The following OR5T3 variants were observed in gnomAD, a reference collection of about 807,000 sequenced individuals.
The protein encoded by OR5T3 is olfactory receptor family 5 subfamily T member 3, also known as olfactory receptor 5T3.
OR5T3 carries 14 observed loss-of-function variants against 14.0 expected under a neutral mutation model. That is an observed-to-expected ratio of 1.00 (90% CI 0.66 to 1.56). The LOEUF is 1.56. Ranked by LOEUF, OR5T3 falls within the 40% of genes most tolerant of loss-of-function variation. The pLI, the probability that OR5T3 is intolerant of heterozygous loss-of-function variation, is 0.00. For synonymous variants in OR5T3, 150 were observed against 137.2 expected (o/e 1.09, Z -0.65); for missense variants, 410 against 374.2 (o/e 1.10, Z -0.79).
rs201540884 is a variant in OR5T3, at chr11:56,252,740, G to T, written c.487G>T (p.Ala163Ser). The change falls in exon 1 of 1, where the codon GCT (alanine) becomes TCT (serine). Residue 163 changes from alanine (A) to serine (S), a missense_variant. Transcript: ENST00000313033. ...YVPLITASYV[A>S]GILHATIHIV... is the part of the protein sequence containing the mutation. ...GCCACTCATCACTGCTTCCTACGTTGCTGGCATTTTACATGCTACTATACA... is the reference window on the plus strand; with the variant it reads ...GCCACTCATCACTGCTTCCTACGTTTCTGGCATTTTACATGCTACTATACA... The T allele has an allele frequency of 3.1e-6, 5 of 1,613,798 alleles. No individual in the cohort carries two copies. Among genetic ancestry groups the T allele is most frequent in the Non-Finnish European group, 1.7e-6 (2 of 1,179,812 alleles).
In OR5T3 at chr11:56,252,318, C is replaced by T. The variant is rs746764000; in HGVS notation, c.65C>T (p.Thr22Ile). 20 of 1,613,036 alleles carry T rather than the reference C, an allele frequency of 1.2e-5. No individual in the cohort carries two copies. The highest frequency in any genetic ancestry group is 2.2e-5 in the East Asian group (1 of 44,868). ...CCACTGAAGAACAAGACTGAAGTCA[C>T]CATGTTTATATTGACAGGCTTCACA... ...RNPLKNKTEV[T>I]MFILTGFTDD... Residue 22 changes from threonine to isoleucine, a missense_variant, in exon 1 of 1, where the codon ACC becomes ATC. By Grantham distance (89) the Thr-to-Ile change is moderately conservative. Coordinates refer to ENST00000313033, the MANE Select transcript of OR5T3 (RefSeq NM_001004747.2).
Position 56,252,977 on chromosome 11 carries a change from T to A in OR5T3, c.724T>A (p.Ser242Thr). The stretch of plus-strand genomic sequence containing the variant: ...TCTGTTGTCCATTCTGAAGATGCAT[T>A]CTGCTAAGGGAAGGCAAAAGGCCTT... ...FILLSILKMH[S>T]AKGRQKAFST... Residue 242 changes from serine (S) to threonine (T), a missense_variant, in exon 1 of 1, where the codon TCT becomes ACT. Physicochemically the swap from Ser to Thr is moderately conservative, Grantham distance 58. Transcript: ENST00000313033. The A allele has an allele frequency of 1.2e-6, 2 of 1,613,824 alleles. No individual in the cohort carries two copies. Among genetic ancestry groups the A allele is most frequent in the Non-Finnish European group, 1.7e-6 (2 of 1,179,784 alleles).
At position 56,253,105 on chromosome 11, in the gene OR5T3, C is replaced by G. The variant is rs778131105; in HGVS notation, c.852C>G (p.Ile284Met). 1.9e-6 allele frequency: 3 copies of G among 1,610,758 alleles called. No individual in the cohort carries two copies. Among genetic ancestry groups the G allele is most frequent in the Non-Finnish European group, 2.5e-6 (3 of 1,177,242 alleles). ...CCAGCTATGCTTCAGACCATGACATCATAGTGTCAATATTTTACACAATTG... is the reference window on the plus strand; with the variant it reads ...CCAGCTATGCTTCAGACCATGACATGATAGTGTCAATATTTTACACAATTG... ...PSSSYASDHD[I>M]IVSIFYTIVI... Residue 284 changes from isoleucine to methionine, a missense_variant, in exon 1 of 1, where the codon ATC (isoleucine) becomes ATG (methionine). Coordinates refer to ENST00000313033, the MANE Select transcript of OR5T3 (RefSeq NM_001004747.2).
Position 56,252,802 on chromosome 11 carries a change from C to T in OR5T3, c.549C>T (p.Ser183=). 6.2e-7 allele frequency: 1 copy of T among 1,613,850 alleles called. No homozygotes were observed. The highest frequency in any genetic ancestry group is 8.5e-7 in the Non-Finnish European group (1 of 1,179,838). The change falls in exon 1 of 1, where the codon TCC becomes TCT. Residue 183 remains serine, a synonymous_variant. Transcript: ENST00000313033. ...CATTTAGCCTGTCCTTCTGTGGATCCAATGAAATTAGGCATGTCTTTTGTG... is the reference window on the plus strand; with the variant it reads ...CATTTAGCCTGTCCTTCTGTGGATCTAATGAAATTAGGCATGTCTTTTGTG... ...VATFSLSFCG[S]NEIRHVFCDM...
Position 56,252,292 on chromosome 11 carries a change from T to C in OR5T3, c.39T>C (p.Asn13=). 6.2e-7 allele frequency: 1 copy of C among 1,612,072 alleles called. No individual in the cohort carries two copies. Among genetic ancestry groups the C allele is most frequent in the Non-Finnish European group, 8.5e-7 (1 of 1,178,288 alleles). Residue 13 remains asparagine, a synonymous_variant, in exon 1 of 1, where the codon AAT becomes AAC. Coordinates refer to ENST00000313033, the MANE Select transcript of OR5T3 (RefSeq NM_001004747.2). ...CATCAGGTTTGGATATATACAGGAA[T>C]CCACTGAAGAACAAGACTGAAGTCA... ...KLSSGLDIYR[N]PLKNKTEVTM... is the part of the protein sequence containing the mutation.
chr11:56,252,805 T>C lies in OR5T3; in HGVS notation c.552T>C (p.Asn184=). The change falls in exon 1 of 1, where the codon AAT becomes AAC. Residue 184 remains asparagine (N), a synonymous_variant. Transcript: ENST00000313033. ...TTAGCCTGTCCTTCTGTGGATCCAA[T>C]GAAATTAGGCATGTCTTTTGTGATA... ...ATFSLSFCGS[N]EIRHVFCDMP... 6.2e-7 allele frequency: 1 copy of C among 1,613,812 alleles called. No individual in the cohort carries two copies. Among genetic ancestry groups the C allele is most frequent in the East Asian group, 2.2e-5 (1 of 44,888 alleles).
rs138884931 is a variant in OR5T3 at position 56,252,790 on chromosome 11, C to A, written c.537C>A (p.Ser179=). 44 of 1,613,734 alleles carry A rather than the reference C, an allele frequency of 2.7e-5. No homozygotes were observed. The highest frequency in any genetic ancestry group is 3.6e-5 in the Non-Finnish European group (43 of 1,179,846). Residue 179 remains serine (S), a synonymous_variant, in exon 1 of 1, where the codon TCC becomes TCA. Transcript: ENST00000313033. ...ATATAGTGGCTACATTTAGCCTGTC[C>A]TTCTGTGGATCCAATGAAATTAGGC... The part of the protein sequence containing the change: ...TIHIVATFSL[S]FCGSNEIRHV...
chr11:56,253,219 A>C lies in OR5T3; in HGVS notation c.966A>C (p.Lys322Asn), dbSNP rs61753411. 3,156 of 1,507,454 alleles carry C rather than the reference A, an allele frequency of 2.1e-3. 45 individuals carry two copies. In the African/African-American group the frequency reaches 0.037, roughly 18 times the overall value. The allele number at this position is 1,507,454 out of a possible 1,614,324, so 93.4% of individuals were successfully genotyped here. Reference sequence around the variant, plus strand: ...AGAAAATGTTGAAATTGGTTTACAAATGAAGAATATATTTAAAATTGAGTA... The same window carrying C: ...AGAAAATGTTGAAATTGGTTTACAACTGAAGAATATATTTAAAATTGAGTA... The part of the protein sequence containing the change: ...AVKKMLKLVY[K>N] Residue 322 changes from lysine (K) to asparagine (N), a missense_variant, in exon 1 of 1, where the codon AAA (lysine) becomes AAC (asparagine). Transcript: ENST00000313033.
chr11:56,252,849 T>C lies in OR5T3; in HGVS notation c.596T>C (p.Ile199Thr). 1 of 1,613,874 alleles carries C rather than the reference T, an allele frequency of 6.2e-7. No homozygotes were observed. The highest frequency in any genetic ancestry group is 1.1e-5 in the South Asian group (1 of 91,070). Residue 199 changes from isoleucine (I) to threonine (T), a missense_variant, in exon 1 of 1, where the codon ATT becomes ACT. Coordinates refer to ENST00000313033, the MANE Select transcript of OR5T3 (RefSeq NM_001004747.2). The stretch of plus-strand genomic sequence containing the variant: ...TGTGATATGCCTCCTCTCCTTGCTA[T>C]TTCTTGTTCTGACACTCACACAAAC... Reference protein sequence around the residue: ...VFCDMPPLLAISCSDTHTNQL... With the variant: ...VFCDMPPLLATSCSDTHTNQL...
rs1043232833 is a variant in OR5T3, at chr11:56,252,568, A to T, written c.315A>T (p.Ser105=). 1 of 1,613,850 alleles carries T rather than the reference A, an allele frequency of 6.2e-7. No homozygotes were observed. Among genetic ancestry groups the T allele is most frequent in the Admixed American group, 1.7e-5 (1 of 59,984 alleles). ...TCCTGGCAAAAAATAAATCCATTTC[A>T]TTTATCGGATGTGCAACACAGATGC... is the stretch of plus-strand genomic sequence containing the variant. The part of the protein sequence containing the change: ...VNFLAKNKSI[S]FIGCATQMLL... The change falls in exon 1 of 1, where the codon TCA becomes TCT. Residue 105 remains serine, a synonymous_variant. Coordinates refer to ENST00000313033, the MANE Select transcript of OR5T3 (RefSeq NM_001004747.2).
chr11:56,252,316 C>T lies in OR5T3; in HGVS notation c.63C>T (p.Val21=). The T allele has an allele frequency of 1.9e-6, 3 of 1,613,238 alleles. No individual in the cohort carries two copies. Among genetic ancestry groups the T allele is most frequent in the Non-Finnish European group, 2.5e-6 (3 of 1,179,318 alleles). The change falls in exon 1 of 1, where the codon GTC becomes GTT. Residue 21 remains valine (V), a synonymous_variant. Coordinates refer to ENST00000313033, the MANE Select transcript of OR5T3 (RefSeq NM_001004747.2). ...ATCCACTGAAGAACAAGACTGAAGT[C>T]ACCATGTTTATATTGACAGGCTTCA... ...YRNPLKNKTE[V]TMFILTGFTD...
rs1565089067 is a variant in OR5T3 at position 56,252,637 on chromosome 11, T to C, written c.384T>C (p.Ala128=). The part of the protein sequence containing the change: ...TFGTTECFLL[A]AMAYDHYVAI... ...GAACTACAGAATGTTTTCTCTTGGC[T>C]GCAATGGCTTATGATCACTATGTAG... Residue 128 remains alanine (A), a synonymous_variant, in exon 1 of 1, where the codon GCT becomes GCC. Transcript: ENST00000313033. 5.6e-6 allele frequency: 9 copies of C among 1,613,926 alleles called. No homozygotes were observed. The highest frequency in any genetic ancestry group is 7.6e-6 in the Non-Finnish European group (9 of 1,179,838).
Sources: allele counts gnomAD v4.1 joint callset, GRCh38; gene constraint gnomAD v4.1.1; transcripts MANE v1.5; gene names NCBI Gene and HGNC (gene_info 2026-07-23, HGNC 2026-07-21).